The following CAPN9 variants were observed in gnomAD, a reference collection of about 807,000 sequenced individuals.
The protein encoded by CAPN9 is calpain-9.
CAPN9 carries 81 observed loss-of-function variants against 92.8 expected under a neutral mutation model. That is an observed-to-expected ratio of 0.87 (90% CI 0.73 to 1.05). The LOEUF (loss-of-function observed/expected upper bound fraction) is 1.05. CAPN9 is among the 50% of genes least tolerant of loss of function. The pLI, the probability that CAPN9 is intolerant of heterozygous loss-of-function variation, is 0.00. For synonymous variants in CAPN9, 304 were observed against 328.0 expected (o/e 0.93, Z 0.79); for missense variants, 848 against 866.2 (o/e 0.98, Z 0.26).
intron 3 of CAPN9, among the ~76,000 whole-genome samples, chr1:230,761,967 G>T (rs1168745609): frequency 6.6e-6 from 1 of 152,170 alleles, no homozygotes; most frequent in Non-Finnish European, 1.5e-5. Flanking sequence ...GCACACATGT[G>T]AGCAAACACA....
intron 4 of CAPN9, 57 bp downstream of exon 4, chr1:230,762,843 C>T: frequency 1.9e-6 from 3 of 1,547,600 alleles, no homozygotes; most frequent in Non-Finnish European, 2.6e-6. Flanking sequence ...CTACACTAGT[C>T]TTTGTAGTGA....
intron 11 of CAPN9, among the ~76,000 whole-genome samples, chr1:230,785,660 T>G (rs2102911615): frequency 6.6e-6 from 1 of 152,322 alleles, no homozygotes; most frequent in Admixed American, 6.5e-5. Context: ...AGCACTGTGC[T>G]CCTGTAAAGC....
chr1:230,771,986 A>G, intron 6 of CAPN9, 28 bp from the exon 7 acceptor site: 1 of 1,593,008 alleles, frequency 6.3e-7, no homozygotes, highest in Non-Finnish European at 8.6e-7. Flanking sequence ...TTATCATTTC[A>G]CACTTCCCTC....
Position 230,780,547 on chromosome 1 carries a change from C to T in CAPN9, c.1320C>T (p.His440=), listed in dbSNP as rs200514450. ...EHLNKDFFRY[H]ASRARSKTFI... is the part of the protein sequence containing the mutation. ...TGAACAAAGACTTCTTCAGATACCA[C>T]GCTTCTCGGGCCAGAAGCAAGACGT... The change falls in exon 11 of 20, where the codon CAC becomes CAT. Residue 440 remains histidine (H), a synonymous_variant. Coordinates refer to ENST00000271971, the MANE Select transcript of CAPN9 (RefSeq NM_006615.3). The T allele has an allele frequency of 7.6e-5, 123 of 1,614,054 alleles. No individual in the cohort carries two copies. The highest frequency in any genetic ancestry group is 1.8e-4 in the East Asian group (8 of 44,898).
chr1:230,787,607 G>A lies in CAPN9; in HGVS notation c.1599+5G>A, dbSNP rs1397957247. 1.2e-6 allele frequency: 2 copies of A among 1,612,496 alleles called. No homozygotes were observed. The highest frequency in any genetic ancestry group is 1.1e-5 in the South Asian group (1 of 91,038). Reference sequence around the variant, plus strand: ...TTTGAACAAGTCGCTGGTGAGGTAGGACATGCCCCACTTCCATCTCCCCAC... The same window carrying A: ...TTTGAACAAGTCGCTGGTGAGGTAGAACATGCCCCACTTCCATCTCCCCAC... On this transcript the variant is annotated splice_donor_5th_base_variant and intron_variant, in intron 13 of 19. Transcript: ENST00000271971.
intron 13 of CAPN9, 101 bp from the exon 14 acceptor site, chr1:230,790,031 G>C: frequency 1.1e-6 from 1 of 946,754 alleles, no homozygotes; most frequent in Middle Eastern, 2.1e-4. Flanking sequence ...AGGCTGGTCT[G>C]TCACTGGAGC....
At chr1:230,790,653 A>G (rs1390708667) in intron 14 of CAPN9, among the ~76,000 whole-genome samples, 1 of 152,180 alleles carries the variant, frequency 6.6e-6, no homozygotes, top group Non-Finnish European at 1.5e-5. Flanking sequence ...TATAAAAGGA[A>G]TCATAGGCCG....
intron 7 of CAPN9, among the ~76,000 whole-genome samples, chr1:230,772,763 A>T (rs1455822852): frequency 6.8e-6 from 1 of 146,286 alleles, no homozygotes; most frequent in African/African-American, 2.5e-5. Context: ...TTTTTTTTTT[A>T]AAGGAAAAAA....
At chr1:230,747,764 C>A in intron 1 of CAPN9, 55 bp downstream of exon 1, 1 of 1,524,002 alleles carries the variant, frequency 6.6e-7, no homozygotes, top group Non-Finnish European at 9.1e-7. Context: ...TCAGCAGCCC[C>A]CGCAGGAAGT....
intron 2 of CAPN9, among the ~76,000 whole-genome samples, chr1:230,757,904 T>G (rs1665359984): frequency 6.6e-6 from 1 of 151,786 alleles, no homozygotes; most frequent in Admixed American, 6.6e-5. Context: ...AGGCACAGCG[T>G]TCCCCCTGCA....
chr1:230,759,577 AT>A lies in CAPN9; in HGVS notation c.350del (p.Ile117ThrfsTer29). On this transcript the variant is annotated frameshift_variant, in exon 3 of 20. Coordinates refer to ENST00000271971, the MANE Select transcript of CAPN9 (RefSeq NM_006615.3). LOFTEE classifies it high-confidence loss of function. ...TAATCAAAAAGCACTGGCCAGAGTC[AT>A]CCCCCAGGACCAAAGCTTTGGCCCT... is the stretch of plus-strand genomic sequence containing the variant. Reference protein sequence around the residue: ...TLNQKALARVIPQDQSFGPGY... With the variant: ...TLNQKALARVXPQDQSFGPGY... 6.2e-7 allele frequency: 1 copy of A among 1,611,130 alleles called. No homozygotes were observed. Among genetic ancestry groups the A allele is most frequent in the Middle Eastern group, 1.7e-4 (1 of 5,980 alleles).
Position 230,767,573 on chromosome 1 carries a change from G to T in CAPN9, c.569G>T (p.Gly190Val). 1 of 1,613,388 alleles carries T rather than the reference G, an allele frequency of 6.2e-7. No individual in the cohort carries two copies. The highest frequency in any genetic ancestry group is 1.1e-5 in the South Asian group (1 of 90,994). The change falls in exon 5 of 20, where the codon GGC becomes GTC. Residue 190 changes from glycine (G) to valine (V), a missense_variant. Coordinates refer to ENST00000271971, the MANE Select transcript of CAPN9 (RefSeq NM_006615.3). The stretch of plus-strand genomic sequence containing the variant: ...GGGAGCTATGAAGCTCTGAAGGGAG[G>T]CAGCGCCATCGAGGCCATGGAAGAC... ...LNGSYEALKG[G>V]SAIEAMEDFT...
intron 17 of CAPN9, among the ~76,000 whole-genome samples, chr1:230,793,373 C>T (rs905694684): frequency 7.2e-5 from 11 of 152,218 alleles, no homozygotes; most frequent in Non-Finnish European, 4.4e-5. Flanking sequence ...CCCTCTGCCA[C>T]CTGTGGCCCT....
chr1:230,791,622 G>A (rs1394161908), intron 14 of CAPN9, among the ~76,000 whole-genome samples: 1 of 152,068 alleles, frequency 6.6e-6, no homozygotes, highest in South Asian at 2.1e-4. Flanking sequence ...TTTGCTCGGG[G>A]TTCTTAGAAC....
rs751244678 is a variant in CAPN9, at chr1:230,767,593, G to A, written c.589G>A (p.Glu197Lys). The A allele has an allele frequency of 1.2e-6, 2 of 1,613,840 alleles. No individual in the cohort carries two copies. The highest frequency in any genetic ancestry group is 1.1e-5 in the South Asian group (1 of 91,026). Reference sequence around the variant, plus strand: ...GGGAGGCAGCGCCATCGAGGCCATGGAAGACTTCACTGGGGGTGTGGCAGA... The same window carrying A: ...GGGAGGCAGCGCCATCGAGGCCATGAAAGACTTCACTGGGGGTGTGGCAGA... ...LKGGSAIEAMEDFTGGVAETF... is the reference protein window; with the variant it reads ...LKGGSAIEAMKDFTGGVAETF... The change falls in exon 5 of 20, where the codon GAA (glutamate) becomes AAA (lysine). Residue 197 changes from glutamate to lysine, a missense_variant. Glu to Lys is a moderately conservative substitution (Grantham distance 56, BLOSUM62 1). Coordinates refer to ENST00000271971, the MANE Select transcript of CAPN9 (RefSeq NM_006615.3).
intron 17 of CAPN9, 103 bp from the exon 18 acceptor site, chr1:230,795,060 T>C (rs941586246): frequency 6.2e-5 from 45 of 729,490 alleles, no homozygotes; most frequent in Non-Finnish European, 2.9e-5. Context: ...TGGCTTCCTC[T>C]TCTGAGCCCT....
intron 1 of CAPN9, among the ~76,000 whole-genome samples, chr1:230,748,438 C>T (rs1463782472): frequency 6.6e-6 from 1 of 152,180 alleles, no homozygotes. Context: ...CTGGGAGTGG[C>T]TCCTGTGGGG....
intron 19 of CAPN9, among the ~76,000 whole-genome samples, chr1:230,800,234 GA>G (rs1159134027): frequency 7.0e-5 from 5 of 71,492 alleles, no homozygotes; most frequent in Non-Finnish European, 1.5e-4. Context: ...AAAGAAAGAA[GA>G]AAGAAAGAAA....
chr1:230,768,035 AATAAATAAATAAATAAATAAAAAAT>A (rs1414277479), intron 5 of CAPN9, among the ~76,000 whole-genome samples: 1 of 135,638 alleles, frequency 7.4e-6, no homozygotes, highest in African/African-American at 2.6e-5. Context: ...TAAATAAATA[AATAAATAAATAAATAAATAAAAAAT>A]AAAATAAAAT....
Sources: allele counts gnomAD v4.1 joint callset (sites outside exome capture counted in the v4.1 genomes callset), GRCh38; gene constraint gnomAD v4.1.1; transcripts MANE v1.5; gene names NCBI Gene and HGNC (gene_info 2026-07-23, HGNC 2026-07-21).